Variants in BMP2K observed in about 807,000 individuals in gnomAD.
BMP2K encodes the protein BMP2 inducible kinase, also known as BMP-2-inducible protein kinase.
Under a neutral mutation model 116.0 loss-of-function variants are expected in BMP2K, and 74 were observed. The ratio of observed to expected loss-of-function variants is 0.64; its 90% CI spans 0.53 to 0.77. The LOEUF is 0.77. BMP2K is among the 30% of genes least tolerant of loss of function. The pLI is 0.00. For missense variants in BMP2K, 1,365 were observed against 1,403.6 expected (o/e 0.97, Z 0.44); for synonymous variants, 486 against 502.5 (o/e 0.97, Z 0.44).
At chr4:78,853,664 A>C (rs1731366530) in intron 7 of BMP2K, among the ~76,000 whole-genome samples, 2 of 152,196 alleles carry the variant, frequency 1.3e-5, no homozygotes, top group Admixed American at 1.3e-4. Context: ...TTCTAGAGCC[A>C]AACAGCCTTG....
At chr4:78,878,972 A>C (rs373800828) in intron 14 of BMP2K, 81 bp downstream of exon 14, 1 of 1,540,748 alleles carries the variant, frequency 6.5e-7, no homozygotes, top group Non-Finnish European at 8.7e-7. Context: ...AAGACTTTTG[A>C]GAATGTGTAT....
At chr4:78,884,681 T>TG (rs1732999345) in intron 14 of BMP2K, among the ~76,000 whole-genome samples, 1 of 151,996 alleles carries the variant, frequency 6.6e-6, no homozygotes, top group African/African-American at 2.4e-5. Context: ...TGGAGAAGAG[T>TG]GGGGGAGTCC....
At position 78,911,144 on chromosome 4, in the gene BMP2K, T is replaced by C; in HGVS notation, c.2597T>C (p.Val866Ala). The C allele has an allele frequency of 3.7e-6, 6 of 1,613,932 alleles. No individual in the cohort carries two copies. The highest frequency in any genetic ancestry group is 5.1e-6 in the Non-Finnish European group (6 of 1,179,880). The change falls in exon 16 of 16, where the codon GTG becomes GCG. Residue 866 changes from valine to alanine, a missense_variant. By Grantham distance (64) the Val-to-Ala change is moderately conservative. This residue lies in a region of BMP2K where 596 missense variants were observed against 623.2 expected (regional missense o/e 0.96). Coordinates refer to ENST00000502613, the MANE Select transcript of BMP2K (RefSeq NM_198892.2). ...DVFGAVPFFAVRAQQPQQEKN... is the reference protein window; with the variant it reads ...DVFGAVPFFAARAQQPQQEKN... Reference sequence around the variant, plus strand: ...TTTGGCGCTGTCCCCTTCTTTGCAGTGCGTGCTCAACAGCCCCAGCAAGAA... The same window carrying C: ...TTTGGCGCTGTCCCCTTCTTTGCAGCGCGTGCTCAACAGCCCCAGCAAGAA...
At chr4:78,890,458 GAC>G (rs1434242936) in intron 15 of BMP2K, among the ~76,000 whole-genome samples, 3 of 151,520 alleles carry the variant, frequency 2.0e-5, no homozygotes, top group East Asian at 1.9e-4. Flanking sequence ...GCATGTTTTT[GAC>G]ACAGTTTTTG....
At chr4:78,827,630 T>C (rs927739090) in intron 2 of BMP2K, among the ~76,000 whole-genome samples, 2 of 152,132 alleles carry the variant, frequency 1.3e-5, no homozygotes, top group African/African-American at 4.8e-5. Context: ...GGGCACTGAC[T>C]TGTTCTACTT....
At chr4:78,879,450 G>A in intron 14 of BMP2K, 1 of 977,336 alleles carries the variant, frequency 1.0e-6, no homozygotes, top group Non-Finnish European at 1.2e-6. Context: ...ATATCTCAAT[G>A]TTTTTACTTG....
intron 15 of BMP2K, chr4:78,899,176 G>T (rs1733868968): frequency 6.6e-6 from 1 of 152,216 alleles, no homozygotes. Context: ...TATTGCAAAA[G>T]ACTCCATGCT....
intron 1 of BMP2K, among the ~76,000 whole-genome samples, chr4:78,778,889 C>T (rs979166114): frequency 5.9e-5 from 9 of 152,120 alleles, no homozygotes; most frequent in African/African-American, 1.4e-4. Context: ...GTAGGCAAAG[C>T]GGTAGAAGCT....
In BMP2K at chr4:78,878,786, A is replaced by G. The variant is rs768677870; in HGVS notation, c.1846A>G (p.Ser616Gly). 4 of 1,613,230 alleles carry G rather than the reference A, an allele frequency of 2.5e-6. No homozygotes were observed. The highest frequency in any genetic ancestry group is 4.5e-5 in the East Asian group (2 of 44,796). Residue 616 changes from serine to glycine, a missense_variant, in exon 14 of 16, where the codon AGC (serine) becomes GGC (glycine). Physicochemically the swap from Ser to Gly is moderately conservative, Grantham distance 56. Coordinates refer to ENST00000502613, the MANE Select transcript of BMP2K (RefSeq NM_198892.2). ...AAATTTCACAAATCAGAAGAACATCAGCAATCCACCTGATATGTCAGGGTG... is the reference window on the plus strand; with the variant it reads ...AAATTTCACAAATCAGAAGAACATCGGCAATCCACCTGATATGTCAGGGTG... ...IANFTNQKNI[S>G]NPPDMSGWNP... is the part of the protein sequence containing the mutation.
At chr4:78,784,279 G>A (rs1173857308) in intron 1 of BMP2K, among the ~76,000 whole-genome samples, 4 of 152,142 alleles carry the variant, frequency 2.6e-5, no homozygotes, top group African/African-American at 4.8e-5. Context: ...TAAGAGTCTT[G>A]AACTACCATT....
At chr4:78,883,224 A>G (rs1732942435) in intron 14 of BMP2K, among the ~76,000 whole-genome samples, 1 of 152,176 alleles carries the variant, frequency 6.6e-6, no homozygotes, top group Non-Finnish European at 1.5e-5. Flanking sequence ...TAATCTAAAG[A>G]AAACCAGTCA....
chr4:78,911,413 C>T lies in BMP2K; in HGVS notation c.2866C>T (p.Leu956Phe). ...TGAAAGCAATGAGGACCTTTTTGGG[C>T]TTGTGCCCTTTGATGAAATAACGGG... is the stretch of plus-strand genomic sequence containing the variant. ...KSESNEDLFG[L>F]VPFDEITGSQ... Residue 956 changes from leucine (L) to phenylalanine (F), a missense_variant, in exon 16 of 16, where the codon CTT becomes TTT. By Grantham distance (22) the Leu-to-Phe change is conservative (BLOSUM62 0). Around this residue, in one of 3 missense-constraint regions of BMP2K, gnomAD observed 596 missense variants for 623.2 expected, o/e 0.96. Coordinates refer to ENST00000502613, the MANE Select transcript of BMP2K (RefSeq NM_198892.2). 6.2e-7 allele frequency: 1 copy of T among 1,614,030 alleles called. No homozygotes were observed. Among genetic ancestry groups the T allele is most frequent in the Non-Finnish European group, 8.5e-7 (1 of 1,179,888 alleles).
At chr4:78,908,539 C>T (rs947804761) in intron 15 of BMP2K, among the ~76,000 whole-genome samples, 1 of 152,026 alleles carries the variant, frequency 6.6e-6, no homozygotes, top group African/African-American at 2.4e-5. Context: ...CGAGGTATGC[C>T]CTTTAGTCTT....
At chr4:78,846,134 C>G (rs1488552286) in intron 5 of BMP2K, among the ~76,000 whole-genome samples, 2 of 151,518 alleles carry the variant, frequency 1.3e-5, no homozygotes, top group African/African-American at 4.8e-5. Flanking sequence ...CTTGCTGTTG[C>G]CTTTTGAAGT....
chr4:78,831,607 G>C (rs1393244258), intron 2 of BMP2K, among the ~76,000 whole-genome samples: 1 of 152,048 alleles, frequency 6.6e-6, no homozygotes, highest in Non-Finnish European at 1.5e-5. Context: ...AATTAGTTTT[G>C]TTTTTCACTT....
At position 78,833,596 on chromosome 4, in the gene BMP2K, T is replaced by G. The variant is rs746818379; in HGVS notation, c.312T>G (p.Gly104=). Residue 104 remains glycine (G), a synonymous_variant, in exon 3 of 16, where the codon GGT becomes GGG. Coordinates refer to ENST00000502613, the MANE Select transcript of BMP2K (RefSeq NM_198892.2). The stretch of plus-strand genomic sequence containing the variant: ...TTTCTTTCCAGAAAGAGCTATCTGG[T>G]CACAAAAATATTGTGGGCTATTTGG... ...REITIMKELS[G]HKNIVGYLDC... is the part of the protein sequence containing the mutation. 1 of 1,593,062 alleles carries G rather than the reference T, an allele frequency of 6.3e-7. No homozygotes were observed. Among genetic ancestry groups the G allele is most frequent in the Non-Finnish European group, 8.5e-7 (1 of 1,173,816 alleles).
At chr4:78,908,225 C>T (rs768544005) in intron 15 of BMP2K, among the ~76,000 whole-genome samples, 1 of 152,146 alleles carries the variant, frequency 6.6e-6, no homozygotes, top group African/African-American at 2.4e-5. Flanking sequence ...TTGTCTCCCA[C>T]ACATTCTTTA....
intron 15 of BMP2K, among the ~76,000 whole-genome samples, chr4:78,894,945 C>A (rs562059138): frequency 6.6e-6 from 1 of 152,220 alleles, no homozygotes; most frequent in African/African-American, 2.4e-5. Flanking sequence ...GGGAGAGAGA[C>A]ACGGAACAGC....
At chr4:78,833,298 G>A (rs1317645139) in intron 2 of BMP2K, among the ~76,000 whole-genome samples, 4 of 151,986 alleles carry the variant, frequency 2.6e-5, no homozygotes, top group African/African-American at 9.7e-5. Context: ...TTATTCTCAA[G>A]TTCTTTGTAC....
Sources: gnomAD v4.1 joint callset for allele counts (sites outside exome capture counted in the v4.1 genomes callset) on GRCh38, gnomAD v4.1.1 for gene constraint, gnomAD v4.1.1 regional missense constraint, MANE v1.5 for transcripts, NCBI Gene and HGNC (gene_info 2026-07-23, HGNC 2026-07-21) for gene names.